The following MDGA2 variants were observed in gnomAD, a reference collection of about 807,000 sequenced individuals.
MDGA2 encodes the protein MAM domain-containing glycosylphosphatidylinositol anchor protein 2.
Under a neutral mutation model 117.8 loss-of-function variants are expected in MDGA2, and 40 were observed. The ratio of observed to expected loss-of-function variants is 0.34; its 90% confidence interval spans 0.26 to 0.44. The LOEUF is 0.44. MDGA2 is among the 20% of genes least tolerant of loss of function. The pLI, the probability that MDGA2 is intolerant of heterozygous loss-of-function variation, is 1.00. For missense variants in MDGA2, 1,123 were observed against 1,250.6 expected (o/e 0.90, Z 1.54); for synonymous variants, 452 against 439.0 (o/e 1.03, Z -0.37).
In MDGA2 at chr14:47,013,496, G is replaced by C. The variant is rs182178427; in HGVS notation, c.1819+21515C>G. ...GGAATCTTGAATCCCTCCTCCATAA[G>C]GGTTGAAATCAACTTCTTCCAAACA... is the stretch of plus-strand genomic sequence containing the variant. On this transcript the variant is annotated intron_variant, in intron 8 of 16. Transcript: ENST00000399232. Among the ~76,000 whole-genome samples the C allele has an allele frequency of 4.4e-3, 664 of 151,596 alleles. 9 individuals are homozygous for C. The highest frequency in any genetic ancestry group is 0.015 in the African/African-American group (626 of 41,376).
chr14:47,323,575 T>C (rs1405450519), intron 1 of MDGA2, among the ~76,000 whole-genome samples: 1 of 151,794 alleles, frequency 6.6e-6, no homozygotes, highest in African/African-American at 2.4e-5. Flanking sequence ...GAGGTTACAG[T>C]GTGCCAAGGT....
intron 1 of MDGA2, among the ~76,000 whole-genome samples, chr14:47,496,581 T>C (rs991050706): frequency 6.6e-6 from 1 of 151,994 alleles, no homozygotes; most frequent in Non-Finnish European, 1.5e-5. Context: ...AATTTTAACT[T>C]TCAGTTGTGG....
intron 7 of MDGA2, among the ~76,000 whole-genome samples, chr14:47,035,826 G>A (rs1366248263): frequency 6.6e-6 from 1 of 151,590 alleles, no homozygotes; most frequent in Non-Finnish European, 1.5e-5. Context: ...CTCCATTTTT[G>A]GACTTTTAAT....
chr14:46,947,960 CT>C (rs1885233419), intron 9 of MDGA2, among the ~76,000 whole-genome samples: 1 of 151,880 alleles, frequency 6.6e-6, no homozygotes, highest in Non-Finnish European at 1.5e-5. Context: ...CCTCTTAAGA[CT>C]TTACTTACCT....
chr14:47,465,287 C>T (rs540834236), intron 1 of MDGA2, among the ~76,000 whole-genome samples: 1 of 152,166 alleles, frequency 6.6e-6, no homozygotes, highest in African/African-American at 2.4e-5. Context: ...GATTTCATGA[C>T]AAAGATACCA....
chr14:46,914,470 T>C (rs1015123685), intron 10 of MDGA2, among the ~76,000 whole-genome samples: 4 of 152,096 alleles, frequency 2.6e-5, no homozygotes, highest in Non-Finnish European at 5.9e-5. Context: ...TATAATGCAT[T>C]ATTTTACAAG....
At chr14:47,670,270 G>A (rs1408887585) in intron 1 of MDGA2, among the ~76,000 whole-genome samples, 1 of 152,034 alleles carries the variant, frequency 6.6e-6, no homozygotes, top group Non-Finnish European at 1.5e-5. Context: ...CGTTTGATTT[G>A]GTTCCCAAAA....
intron 10 of MDGA2, among the ~76,000 whole-genome samples, chr14:46,908,291 G>A (rs1343903887): frequency 6.6e-6 from 1 of 152,092 alleles, no homozygotes; most frequent in Non-Finnish European, 1.5e-5. Flanking sequence ...TACTTTATAT[G>A]CTAACTGGAC....
chr14:47,180,741 T>C (rs1455869103), intron 3 of MDGA2, among the ~76,000 whole-genome samples: 2 of 151,974 alleles, frequency 1.3e-5, no homozygotes, highest in African/African-American at 2.4e-5. Context: ...GGCAACATAG[T>C]GAAACCCCGT....
intron 4 of MDGA2, among the ~76,000 whole-genome samples, chr14:47,136,143 C>G: frequency 6.6e-6 from 1 of 151,780 alleles, no homozygotes; most frequent in African/African-American, 2.4e-5. Context: ...ACTCTACTCT[C>G]CAGTCTTTTT....
At chr14:47,595,492 C>T (rs1209499628) in intron 1 of MDGA2, among the ~76,000 whole-genome samples, 3 of 149,610 alleles carry the variant, frequency 2.0e-5, no homozygotes, top group Non-Finnish European at 4.4e-5. Context: ...CAAGATCACA[C>T]CATCACGCTC....
intron 3 of MDGA2, among the ~76,000 whole-genome samples, chr14:47,197,489 ATGTT>A (rs1885329283): frequency 6.6e-6 from 1 of 152,104 alleles, no homozygotes; most frequent in Non-Finnish European, 1.5e-5. Context: ...CACGAAATAA[ATGTT>A]TGATATTTAC....
chr14:47,174,876 G>A (rs891352125), intron 3 of MDGA2, among the ~76,000 whole-genome samples: 16 of 151,702 alleles, frequency 1.1e-4, no homozygotes, highest in Non-Finnish European at 2.1e-4. Context: ...TTTTTGAAAG[G>A]ATCAACAAAA....
intron 1 of MDGA2, among the ~76,000 whole-genome samples, chr14:47,607,139 C>CTA (rs1223139796): frequency 6.6e-6 from 1 of 152,002 alleles, no homozygotes; most frequent in Non-Finnish European, 1.5e-5. Flanking sequence ...GGAAAAAAAC[C>CTA]TATGGTTCTC....
At chr14:47,377,147 T>C (rs1400096617) in intron 1 of MDGA2, among the ~76,000 whole-genome samples, 1 of 152,108 alleles carries the variant, frequency 6.6e-6, no homozygotes, top group Non-Finnish European at 1.5e-5. Context: ...AAGAGGTAGA[T>C]TATCAAAAAT....
At chr14:47,293,072 C>G (rs1295234642) in intron 2 of MDGA2, among the ~76,000 whole-genome samples, 1 of 152,146 alleles carries the variant, frequency 6.6e-6, no homozygotes, top group African/African-American at 2.4e-5. Context: ...CTACTACACC[C>G]TGGGATACAG....
At position 47,329,714 on chromosome 14, in the gene MDGA2, A is replaced by G. The variant is rs541096837; in HGVS notation, c.281-28164T>C. Among the ~76,000 whole-genome samples the G allele has an allele frequency of 8.5e-5, 13 of 152,238 alleles. 1 individual carries two copies. In the South Asian group the frequency reaches 2.7e-3, roughly 32 times the overall value. The stretch of plus-strand genomic sequence containing the variant: ...AATAAAAATGCCAGGTGTTGACTAT[A>G]GTGAACTAATTATTGCTAGTTAATA... On this transcript the variant is annotated intron_variant, in intron 1 of 16. Coordinates refer to ENST00000399232, the MANE Select transcript of MDGA2 (RefSeq NM_001113498.3).
rs573391569 is a variant in MDGA2, at chr14:47,331,998, G to A, written c.281-30448C>T. On this transcript the variant is annotated intron_variant, in intron 1 of 16. Transcript: ENST00000399232. Reference sequence around the variant, plus strand: ...AGGATACAGAAAAATGGAAGAATAGGAAATTATATCCAGTTATTCGCATGT... The same window carrying A: ...AGGATACAGAAAAATGGAAGAATAGAAAATTATATCCAGTTATTCGCATGT... Among the ~76,000 whole-genome samples, 688 of 152,076 alleles carry A rather than the reference G, an allele frequency of 4.5e-3. 3 individuals carry two copies. Among genetic ancestry groups the A allele is most frequent in the Non-Finnish European group, 7.9e-3 (540 of 67,932 alleles).
At chr14:47,548,995 G>A (rs569509247) in intron 1 of MDGA2, among the ~76,000 whole-genome samples, 3 of 152,110 alleles carry the variant, frequency 2.0e-5, no homozygotes, top group East Asian at 1.9e-4. Flanking sequence ...TGAGCTCTAC[G>A]TGAGGTAAAA....
Sources: allele counts gnomAD v4.1 joint callset (sites outside exome capture counted in the v4.1 genomes callset), GRCh38; gene constraint gnomAD v4.1.1; transcripts MANE v1.5; gene names NCBI Gene and HGNC (gene_info 2026-07-23, HGNC 2026-07-21).